Variants in SMCO2 observed in about 807,000 individuals in gnomAD.
SMCO2 encodes single-pass membrane protein with coiled-coil domains 2, also known as single-pass membrane and coiled-coil domain-containing protein 2.
In SMCO2, 25 loss-of-function variants were observed where a neutral mutation model predicts 29.5. The observed-to-expected ratio is 0.85, with a 90% CI of 0.62 to 1.18. The LOEUF is 1.18. Ranked by LOEUF, SMCO2 falls within the 50% of genes most tolerant of loss-of-function variation. SMCO2 has a pLI of 0.00. For synonymous variants in SMCO2, 117 were observed against 123.3 expected (o/e 0.95, Z 0.34); for missense variants, 348 against 344.5 (o/e 1.01, Z -0.08).
intron 4 of SMCO2, among the ~76,000 whole-genome samples, chr12:27,477,210 G>GT (rs770789669): frequency 0.086 from 5,350 of 62,324 alleles, 225 homozygotes; most frequent in African/African-American, 0.18. Context: ...TGGCTGTCAG[G>GT]TTTTTTTTTT....
the SMCO2 span, among the ~76,000 whole-genome samples, chr12:27,446,298 G>A: frequency 2.0e-5 from 3 of 152,162 alleles, no homozygotes; most frequent in African/African-American, 4.8e-5. Flanking sequence ...GAGAGATGGA[G>A]GAGGGAGAGA....
intron 4 of SMCO2, among the ~76,000 whole-genome samples, chr12:27,484,871 A>AT (rs1491516023): frequency 0.045 from 3,288 of 73,882 alleles, 48 homozygotes; most frequent in Middle Eastern, 0.06. Context: ...AAAAAAAAAA[A>AT]ATATATATAT....
exon 8 of SMCO2, chr12:27,502,055 A>G (rs1364579200): frequency 2.6e-6 from 4 of 1,547,938 alleles, no homozygotes; most frequent in Middle Eastern, 3.3e-4. Flanking sequence ...GCCGCACCAC[A>G]TGGGACCTAC....
At chr12:27,462,618 A>T (rs1949467375), upstream of SMCO2, among the ~76,000 whole-genome samples, 1 of 152,184 alleles carries the variant, frequency 6.6e-6, no homozygotes, top group African/African-American at 2.4e-5. Context: ...CATTTTATTA[A>T]TGACAGAAGT....
the SMCO2 span, among the ~76,000 whole-genome samples, chr12:27,433,075 T>C: frequency 6.6e-6 from 1 of 152,218 alleles, no homozygotes; most frequent in African/African-American, 2.4e-5. Flanking sequence ...AACTTTATTC[T>C]ACATCGTAAC....
intron 1 of SMCO2, among the ~76,000 whole-genome samples, chr12:27,469,577 C>T (rs1949524675): frequency 6.6e-6 from 1 of 152,152 alleles, no homozygotes; most frequent in Non-Finnish European, 1.5e-5. Flanking sequence ...CCTCTTGTCC[C>T]TCAGGGTGCT....
At chr12:27,498,872 C>T (rs1274055955) in intron 7 of SMCO2, among the ~76,000 whole-genome samples, 1 of 150,336 alleles carries the variant, frequency 6.7e-6, no homozygotes, top group African/African-American at 2.5e-5. Flanking sequence ...ATCAAACCCA[C>T]AATGAACCAC....
In SMCO2 at chr12:27,495,843, G is replaced by A. The variant is rs1205866628; in HGVS notation, c.671G>A (p.Arg224His). 1.3e-5 allele frequency: 20 copies of A among 1,509,926 alleles called. No homozygotes were observed. Among genetic ancestry groups the A allele is most frequent in the Non-Finnish European group, 1.5e-5 (17 of 1,119,328 alleles). 93.5% of individuals were successfully genotyped at this position (1,509,926 alleles called of 1,614,324 possible). Residue 224 changes from arginine (R) to histidine (H), a missense_variant, in exon 7 of 8, where the codon CGC becomes CAC. Coordinates refer to ENST00000298876, the Ensembl canonical transcript of SMCO2. ...TTTTTAGTGCAGAAGTCTCCTCCCC[G>A]CAATACAGCATGGTAAGTCAGAGCA...
the SMCO2 span, among the ~76,000 whole-genome samples, chr12:27,430,886 C>G: frequency 1.3e-5 from 2 of 151,958 alleles, no homozygotes; most frequent in African/African-American, 4.8e-5. Flanking sequence ...CCGAGCAGCT[C>G]GATGCATGCT....
At chr12:27,495,891 A>T (rs3751225) in intron 7 of SMCO2, 36 bp downstream of exon 8, 93,685 of 1,366,796 alleles carry the variant, frequency 0.069, 6,552 homozygotes, top group East Asian at 0.28. Context: ...GGGCTGGATG[A>T]CTGCCCCAAA....
chr12:27,491,764 C>A (rs1030302055), intron 5 of SMCO2, among the ~76,000 whole-genome samples: 1 of 150,340 alleles, frequency 6.7e-6, no homozygotes, highest in African/African-American at 2.5e-5. Flanking sequence ...AAGACAATGG[C>A]GCTATCTCGG....
upstream of SMCO2, among the ~76,000 whole-genome samples, chr12:27,465,209 C>T (rs1241648268): frequency 6.6e-6 from 1 of 152,078 alleles, no homozygotes. Context: ...AGATCCCTTC[C>T]TTTTCAAAAG....
chr12:27,448,049 A>G, the SMCO2 span, among the ~76,000 whole-genome samples: 1 of 152,352 alleles, frequency 6.6e-6, no homozygotes, highest in East Asian at 1.9e-4. Flanking sequence ...CCAGCACAGT[A>G]CCTGACACAT....
the SMCO2 span, among the ~76,000 whole-genome samples, chr12:27,445,314 A>G: frequency 3.9e-5 from 6 of 152,216 alleles, no homozygotes; most frequent in Non-Finnish European, 8.8e-5. Flanking sequence ...TTTTAAAAAT[A>G]CAGGAACCCA....
chr12:27,471,901 A>G (rs571663118), intron 2 of SMCO2, among the ~76,000 whole-genome samples: 2 of 152,322 alleles, frequency 1.3e-5, no homozygotes, highest in East Asian at 1.9e-4. Flanking sequence ...GAATATACAT[A>G]TCTATTGACC....
At chr12:27,434,543 T>G in the SMCO2 span, among the ~76,000 whole-genome samples, 10 of 152,204 alleles carry the variant, frequency 6.6e-5, no homozygotes, top group East Asian at 1.7e-3. Flanking sequence ...ACAGAAGTTG[T>G]CTATGTATCT....
At chr12:27,481,810 A>T (rs531774681) in intron 4 of SMCO2, among the ~76,000 whole-genome samples, 111 of 152,316 alleles carry the variant, frequency 7.3e-4, no homozygotes, top group African/African-American at 2.5e-3. Flanking sequence ...TTCCCTTATT[A>T]TATGATGTCT....
At position 27,501,877 on chromosome 12, in the gene SMCO2, A is replaced by G. The variant is rs1256430897; in HGVS notation, c.684-46A>G. 2.8e-6 allele frequency: 4 copies of G among 1,408,196 alleles called. 1 individual carries two copies. The African/African-American group carries it at 6.1e-5, about 21-fold the overall frequency. 87.2% of individuals were successfully genotyped at this position (1,408,196 alleles called of 1,614,324 possible). On this transcript the variant is annotated intron_variant, in intron 7 of 7. Transcript: ENST00000298876. ...GAGGTGCCAGGAGCCTATCAATGTGATTATTTTCAGAATTTGGTTAACACA... is the reference window on the plus strand; with the variant it reads ...GAGGTGCCAGGAGCCTATCAATGTGGTTATTTTCAGAATTTGGTTAACACA...
the SMCO2 span, among the ~76,000 whole-genome samples, chr12:27,435,282 ACCCC>A: frequency 5.8e-4 from 13 of 22,294 alleles, 6 homozygotes; most frequent in Admixed American, 4.2e-3. Context: ...TGGCAGCAGA[ACCCC>A]CCCCCCCCCC....
Sources: gnomAD v4.1 joint callset for allele counts (sites outside exome capture counted in the v4.1 genomes callset) on GRCh38, gnomAD v4.1.1 for gene constraint, MANE v1.5 for transcripts, NCBI Gene and HGNC (gene_info 2026-07-23, HGNC 2026-07-21) for gene names.